Variants in BABAM2 observed in about 807,000 individuals in gnomAD.
BABAM2 encodes BRISC and BRCA1 A complex member 2, also known as BRISC and BRCA1-A complex member 2.
A neutral mutation model predicts 54.7 loss-of-function variants in BABAM2; 31 were observed. The ratio of observed to expected loss-of-function variants is 0.57; its 90% CI spans 0.43 to 0.77. BABAM2 has a LOEUF of 0.77. Ranked by LOEUF, BABAM2 falls within the 30% of genes least tolerant of loss-of-function variation. BABAM2 has a pLI of 0.00. For missense variants in BABAM2, 364 were observed against 455.8 expected, an observed-to-expected ratio of 0.80 and a Z score of 1.83; for synonymous variants, 167 against 162.9, an observed-to-expected ratio of 1.03 and a Z score of -0.19.
At chr2:28,264,708 A>G (rs1684828683) in intron 10 of BABAM2, among the ~76,000 whole-genome samples, 1 of 152,216 alleles carries the variant, frequency 6.6e-6, no homozygotes, top group Admixed American at 6.5e-5. Flanking sequence ...CCTCTAACCA[A>G]GGGGACAAAA....
At chr2:27,890,162 C>A, upstream of BABAM2, 1 of 1,183,662 alleles carries the variant, frequency 8.4e-7, no homozygotes, top group South Asian at 1.3e-5. The surrounding 1 kb of genome is among the most constrained non-coding windows in gnomAD (Gnocchi z 4.8). Context: ...CTGTCTATCC[C>A]TGGAGACCCA....
intron 7 of BABAM2, among the ~76,000 whole-genome samples, chr2:28,138,923 C>T (rs890956352): frequency 2.0e-5 from 3 of 152,122 alleles, no homozygotes; most frequent in Non-Finnish European, 2.9e-5. Context: ...CTGTCACTTC[C>T]TTGGTACAAC....
chr2:28,291,294 T>C (rs1490847540), intron 10 of BABAM2, among the ~76,000 whole-genome samples: 2 of 152,146 alleles, frequency 1.3e-5, no homozygotes, highest in African/African-American at 4.8e-5. Flanking sequence ...TTTAATAATA[T>C]TGAAACTTCA....
At chr2:28,224,150 A>G (rs1327957738) in intron 7 of BABAM2, among the ~76,000 whole-genome samples, 1 of 152,250 alleles carries the variant, frequency 6.6e-6, no homozygotes, top group African/African-American at 2.4e-5. Context: ...CCAGTTAATC[A>G]CAAAAGATTA....
At chr2:27,926,602 A>G (rs1023155815) in intron 2 of BABAM2, among the ~76,000 whole-genome samples, 1 of 152,056 alleles carries the variant, frequency 6.6e-6, no homozygotes, top group African/African-American at 2.4e-5. Flanking sequence ...GCAATCCTAA[A>G]CCATCTTTAT....
At chr2:28,334,090 TG>T (rs1428213392) in intron 11 of BABAM2, among the ~76,000 whole-genome samples, 2 of 152,194 alleles carry the variant, frequency 1.3e-5, no homozygotes, top group African/African-American at 4.8e-5. Flanking sequence ...GGTAGCATCA[TG>T]CCTTTAAATA....
At position 28,113,558 on chromosome 2, in the gene BABAM2, T is replaced by C. The variant is rs371884820; in HGVS notation, c.571-15713T>C. 1.8e-4 allele frequency among the ~76,000 whole-genome samples: 28 copies of C among 152,310 alleles called. No homozygotes were observed. The East Asian group carries it at 5.2e-3, about 28-fold the overall frequency. ...TGCTGTTTTGGTTGCTGTAGCCTGG[T>C]AGTGTAGTTTGAAGTCAGGTAGCGT... On this transcript the variant is annotated intron_variant, in intron 6 of 11. Coordinates refer to ENST00000379624, the MANE Select transcript of BABAM2 (RefSeq NM_199191.3).
chr2:28,179,673 G>C (rs1051519121), intron 7 of BABAM2, among the ~76,000 whole-genome samples: 1 of 152,156 alleles, frequency 6.6e-6, no homozygotes, highest in African/African-American at 2.4e-5. Context: ...AATCAGAAAA[G>C]AGGAAGTTAA....
In BABAM2 at chr2:28,151,707, G is replaced by A. The variant is rs184902473; in HGVS notation, c.680+22327G>A. Among the ~76,000 whole-genome samples, 250 of 152,274 alleles carry A rather than the reference G, an allele frequency of 1.6e-3. 3 individuals are homozygous for A. Among genetic ancestry groups the A allele is most frequent in the African/African-American group, 5.7e-3 (238 of 41,538 alleles). ...AGCATGAGAATAACAATAAATTAGA[G>A]CAAGATAGTTGGAAATGCTTTGATA... On this transcript the variant is annotated intron_variant, in intron 7 of 11. Transcript: ENST00000379624.
chr2:28,113,164 C>A (rs554330256), intron 6 of BABAM2, among the ~76,000 whole-genome samples: 1 of 152,162 alleles, frequency 6.6e-6, no homozygotes, highest in Non-Finnish European at 1.5e-5. Context: ...CCTGTTCACT[C>A]TGATGATAGT....
chr2:28,326,044 A>T (rs1322751327), intron 11 of BABAM2, among the ~76,000 whole-genome samples: 1 of 152,198 alleles, frequency 6.6e-6, no homozygotes, highest in Non-Finnish European at 1.5e-5. Context: ...GCACTGTTCC[A>T]GCTGGGGTGT....
chr2:27,989,460 A>T (rs532722093), intron 4 of BABAM2, among the ~76,000 whole-genome samples: 2 of 152,358 alleles, frequency 1.3e-5, no homozygotes, highest in East Asian at 1.9e-4. Flanking sequence ...ACATAAGCAC[A>T]TTGGAAGTAG....
At chr2:28,187,454 C>A (rs1286192715) in intron 7 of BABAM2, among the ~76,000 whole-genome samples, 1 of 152,104 alleles carries the variant, frequency 6.6e-6, no homozygotes, top group Non-Finnish European at 1.5e-5. Flanking sequence ...ACATACAGTT[C>A]CCCCAACCAG....
At chr2:28,004,682 A>G (rs1382354270) in intron 4 of BABAM2, among the ~76,000 whole-genome samples, 1 of 150,840 alleles carries the variant, frequency 6.6e-6, no homozygotes. Flanking sequence ...TTGTGTGTTT[A>G]AAGATACTTT....
intron 6 of BABAM2, among the ~76,000 whole-genome samples, chr2:28,103,301 T>TTTTTGTTTTGTTTTG (rs76344388): frequency 0.095 from 14,188 of 149,636 alleles, 802 homozygotes; most frequent in Non-Finnish European, 0.13. Context: ...TTACTTAGTA[T>TTTTTGTTTTGTTTTG]TTTTGTTTTG....
chr2:28,161,609 A>G (rs955007193), intron 7 of BABAM2, among the ~76,000 whole-genome samples: 3 of 152,168 alleles, frequency 2.0e-5, no homozygotes, highest in African/African-American at 4.8e-5. Flanking sequence ...AGAACTGTCT[A>G]TCAGACCTGT....
intron 6 of BABAM2, among the ~76,000 whole-genome samples, chr2:28,109,640 G>T (rs965480253): frequency 1.4e-4 from 22 of 152,128 alleles, no homozygotes; most frequent in Non-Finnish European, 4.4e-5. Flanking sequence ...CAATGGCACA[G>T]CTTCACTGAT....
intron 3 of BABAM2, among the ~76,000 whole-genome samples, chr2:27,937,548 T>C (rs746799724): frequency 6.6e-6 from 1 of 152,246 alleles, no homozygotes; most frequent in African/African-American, 2.4e-5. Context: ...TGGTTTTGAT[T>C]TGCATTTCCT....
chr2:28,128,141 C>T (rs1026151725), intron 6 of BABAM2, among the ~76,000 whole-genome samples: 1 of 152,080 alleles, frequency 6.6e-6, no homozygotes, highest in Non-Finnish European at 1.5e-5. Flanking sequence ...CTAGGTGTGA[C>T]CCTTCCCTCT....
Sources: gnomAD v4.1 joint callset for allele counts (sites outside exome capture counted in the v4.1 genomes callset) on GRCh38, gnomAD v4.1.1 for gene constraint, Gnocchi (gnomAD v3.1) non-coding constraint, MANE v1.5 for transcripts, NCBI Gene and HGNC (gene_info 2026-07-23, HGNC 2026-07-21) for gene names.